The following SH3D19 variants were observed in gnomAD, a reference collection of about 807,000 sequenced individuals.
SH3D19 encodes SH3 domain-containing protein 19.
In SH3D19, 58 loss-of-function variants were observed where a neutral mutation model predicts 112.1. That is an observed-to-expected ratio of 0.52 (90% CI 0.42 to 0.64). The LOEUF (loss-of-function observed/expected upper bound fraction) is 0.64, where lower values mean the gene tolerates loss of function less well. SH3D19 is among the 30% of genes least tolerant of loss of function. The pLI is 0.00. For synonymous variants in SH3D19, 391 were observed against 448.5 expected, an observed-to-expected ratio of 0.87 and a Z score of 1.62; for missense variants, 1,090 against 1,263.4, an observed-to-expected ratio of 0.86 and a Z score of 2.08.
intron 19 of SH3D19, among the ~76,000 whole-genome samples, chr4:151,126,804 G>GAA (rs1221074463): frequency 3.6e-5 from 1 of 27,716 alleles, no homozygotes; most frequent in Admixed American, 4.3e-4. Flanking sequence ...TCTCAAAAAA[G>GAA]AAAAAAAAAA....
chr4:151,225,938 G>A (rs1397691078), intron 2 of SH3D19, 109 bp downstream of exon 2: 16 of 670,562 alleles, frequency 2.4e-5, no homozygotes, highest in Middle Eastern at 9.4e-4. Flanking sequence ...GAATGCTACA[G>A]AAGATTCCAA....
chr4:151,219,441 A>G (rs1011734914), intron 2 of SH3D19, among the ~76,000 whole-genome samples: 1 of 152,136 alleles, frequency 6.6e-6, no homozygotes, highest in Admixed American at 6.5e-5. Context: ...AGTTGTCCCT[A>G]TACCTATCTT....
intron 2 of SH3D19, among the ~76,000 whole-genome samples, chr4:151,196,055 G>C (rs1445788769): frequency 6.6e-6 from 1 of 152,134 alleles, no homozygotes; most frequent in South Asian, 2.1e-4. Flanking sequence ...CCTGGTATAA[G>C]CTGCTGCCAC....
At chr4:151,238,519 A>G (rs191979304) in intron 1 of SH3D19, among the ~76,000 whole-genome samples, 52 of 152,330 alleles carry the variant, frequency 3.4e-4, no homozygotes, top group African/African-American at 1.2e-3. Context: ...CAGAACTCAT[A>G]AAGTTATACC....
chr4:151,156,499 G>C (rs1042397887), intron 9 of SH3D19, among the ~76,000 whole-genome samples: 2 of 152,124 alleles, frequency 1.3e-5, no homozygotes, highest in African/African-American at 4.8e-5. Flanking sequence ...GAACAGAATA[G>C]AGAATCCAAA....
chr4:151,196,741 C>T (rs1203659979), intron 2 of SH3D19, among the ~76,000 whole-genome samples: 1 of 152,078 alleles, frequency 6.6e-6, no homozygotes, highest in East Asian at 1.9e-4. Context: ...ACAATCTATA[C>T]ATCCAACAAA....
At chr4:151,202,392 T>G (rs1195382367) in intron 2 of SH3D19, among the ~76,000 whole-genome samples, 1 of 152,232 alleles carries the variant, frequency 6.6e-6, no homozygotes, top group Non-Finnish European at 1.5e-5. Flanking sequence ...AATAGTAACA[T>G]CTGCTTTTCT....
rs1426144267 is a variant in SH3D19 at position 151,121,077 on chromosome 4, T to C, written c.*1014A>G. On this transcript the variant is annotated 3_prime_UTR_variant, in exon 20 of 20. Transcript: ENST00000604030. Reference sequence around the variant, plus strand: ...AAAAAATAAAACAAAAAAGTACCAGTCTTCTGTCCTCTTAAATTATTTTTC... The same window carrying C: ...AAAAAATAAAACAAAAAAGTACCAGCCTTCTGTCCTCTTAAATTATTTTTC... The C allele has an allele frequency of 1.3e-5, 2 of 152,568 alleles. No homozygotes were observed. The allele number at this position is 152,568 out of a possible 1,614,324, so 9.5% of individuals were successfully genotyped here.
rs370987958 is a variant in SH3D19 at position 151,240,976 on chromosome 4, T to C, written c.113-14890A>G. ...GAAAAAGGAACGAAGTACTGGTCCA[T>C]GCCACACATGATAACTCTTGAAAAC... On this transcript the variant is annotated intron_variant, in intron 1 of 19. Transcript: ENST00000604030. 1.7e-4 allele frequency among the ~76,000 whole-genome samples: 26 copies of C among 152,044 alleles called. 1 individual carries two copies. The East Asian group carries it at 5.0e-3, about 29-fold the overall frequency.
intron 9 of SH3D19, among the ~76,000 whole-genome samples, chr4:151,154,856 C>T (rs1274249012): frequency 1.3e-5 from 2 of 152,134 alleles, no homozygotes; most frequent in Non-Finnish European, 2.9e-5. Context: ...TTCCTGAGTT[C>T]AGGCGATTCT....
chr4:151,309,882 T>C (rs1231448751), intron 1 of SH3D19, among the ~76,000 whole-genome samples: 1 of 152,070 alleles, frequency 6.6e-6, no homozygotes, highest in Non-Finnish European at 1.5e-5. Context: ...CCCAGCTACC[T>C]GGAAGGCTGA....
intron 1 of SH3D19, among the ~76,000 whole-genome samples, chr4:151,308,257 G>A (rs1265829413): frequency 2.0e-5 from 3 of 152,204 alleles, no homozygotes; most frequent in Admixed American, 1.3e-4. Flanking sequence ...GCTATGTACT[G>A]AGCACATGTG....
intron 1 of SH3D19, among the ~76,000 whole-genome samples, chr4:151,311,692 G>C (rs1189279953): frequency 6.6e-6 from 1 of 151,954 alleles, no homozygotes; most frequent in Non-Finnish European, 1.5e-5. Context: ...TTTTTTAAAA[G>C]AAAAAATTAG....
chr4:151,198,311 A>T lies in SH3D19; in HGVS notation c.153-10848T>A, dbSNP rs1480945747. On this transcript the variant is annotated intron_variant, in intron 2 of 19. Transcript: ENST00000604030. The stretch of plus-strand genomic sequence containing the variant: ...CACAGCGAGACTCTGTCTCAAAAAA[A>T]AAAAAAATATATATATAATATAAAA... Among the ~76,000 whole-genome samples, 162 of 69,806 alleles carry T rather than the reference A, an allele frequency of 2.3e-3. No homozygotes were observed. The East Asian group carries it at 0.032, about 14-fold the overall frequency. The allele number at this position is 69,806 out of a possible 152,430, so 45.8% of individuals were successfully genotyped here. A position where few individuals can be genotyped will look rare whatever the true frequency, so the allele number is the denominator to read the frequency against.
intron 1 of SH3D19, among the ~76,000 whole-genome samples, chr4:151,255,235 CGGCTGCCGGGCGG>C (rs1561405009): frequency 4.9e-5 from 7 of 141,458 alleles, no homozygotes; most frequent in African/African-American, 1.9e-4. Flanking sequence ...TCAGACGGGG[CGGCTGCCGGGCGG>C]AGGGGCTCCT....
At chr4:151,255,750 T>A (rs541963217) in intron 1 of SH3D19, among the ~76,000 whole-genome samples, 7 of 152,208 alleles carry the variant, frequency 4.6e-5, no homozygotes, top group African/African-American at 1.7e-4. Flanking sequence ...GAGCACTGAG[T>A]GAACGAGACT....
At chr4:151,238,964 T>A (rs1770349859) in intron 1 of SH3D19, among the ~76,000 whole-genome samples, 2 of 152,080 alleles carry the variant, frequency 1.3e-5, no homozygotes, top group African/African-American at 4.8e-5. Flanking sequence ...ACAAAGAGAA[T>A]GTTCAATTGT....
intron 17 of SH3D19, among the ~76,000 whole-genome samples, chr4:151,131,294 CTCTCT>C (rs1334319285): frequency 4.9e-5 from 2 of 40,502 alleles, no homozygotes; most frequent in East Asian, 1.2e-3. Flanking sequence ...TGTGTACTTT[CTCTCT>C]TTTTTTTTTA....
chr4:151,202,739 C>T (rs1467183836), intron 2 of SH3D19, among the ~76,000 whole-genome samples: 2 of 152,182 alleles, frequency 1.3e-5, no homozygotes, highest in African/African-American at 4.8e-5. Context: ...ACACAAGATA[C>T]AGTCTTTAGT....
Sources: allele counts gnomAD v4.1 joint callset (sites outside exome capture counted in the v4.1 genomes callset), GRCh38; gene constraint gnomAD v4.1.1; transcripts MANE v1.5; gene names NCBI Gene and HGNC (gene_info 2026-07-23, HGNC 2026-07-21).